Variants in NALF1 observed in about 807,000 individuals in gnomAD.
NALF1 encodes the protein NALCN channel auxiliary factor 1.
A neutral mutation model predicts 48.4 loss-of-function variants in NALF1; 3 were observed. The observed-to-expected ratio is 0.06, with a 90% confidence interval of 0.03 to 0.16. The LOEUF (loss-of-function observed/expected upper bound fraction) is 0.16, where lower values mean the gene tolerates loss of function less well. Among genes scored for constraint, NALF1 ranks in the 10% least tolerant of loss-of-function variants. The probability of loss-of-function intolerance (pLI) is 1.00; values close to 1 mark genes in which losing one functional copy is unlikely to be tolerated. For missense variants in NALF1, 526 were observed against 571.5 expected, an observed-to-expected ratio of 0.92 and a Z score of 0.81; for synonymous variants, 262 against 245.7, an observed-to-expected ratio of 1.07 and a Z score of -0.62.
At chr13:107,787,430 A>G (rs1878108732) in intron 1 of NALF1, among the ~76,000 whole-genome samples, 1 of 152,232 alleles carries the variant, frequency 6.6e-6, no homozygotes, top group East Asian at 1.9e-4. Flanking sequence ...AGTCAGACAC[A>G]TGGGTTGAGT....
chr13:107,429,211 A>T (rs1884332706), intron 1 of NALF1, among the ~76,000 whole-genome samples: 1 of 151,864 alleles, frequency 6.6e-6, no homozygotes, highest in Non-Finnish European at 1.5e-5. Context: ...AATCCCAGCT[A>T]CTCAGGAGGC....
intron 1 of NALF1, among the ~76,000 whole-genome samples, chr13:107,372,062 T>G (rs1883257688): frequency 6.6e-6 from 1 of 152,116 alleles, no homozygotes; most frequent in Admixed American, 6.6e-5. Flanking sequence ...ACTCCTGCCT[T>G]GGAGCGCAGC....
chr13:107,668,743 G>A (rs1880919428), intron 1 of NALF1, among the ~76,000 whole-genome samples: 1 of 151,928 alleles, frequency 6.6e-6, no homozygotes. Flanking sequence ...TGCCCTATGA[G>A]ACTCCATCCA....
At chr13:107,694,414 T>C (rs913555111) in intron 1 of NALF1, among the ~76,000 whole-genome samples, 1 of 152,194 alleles carries the variant, frequency 6.6e-6, no homozygotes, top group East Asian at 1.9e-4. Context: ...TCTTTATATA[T>C]ATTACATTGT....
chr13:107,616,912 C>G (rs1879395700), intron 1 of NALF1, among the ~76,000 whole-genome samples: 1 of 152,026 alleles, frequency 6.6e-6, no homozygotes, highest in Admixed American at 6.6e-5. Flanking sequence ...GAAATAACCG[C>G]TAGGTAAGGA....
intron 1 of NALF1, among the ~76,000 whole-genome samples, chr13:107,299,110 C>T (rs1350598213): frequency 6.6e-6 from 1 of 152,086 alleles, no homozygotes; most frequent in African/African-American, 2.4e-5. Context: ...TAGAATAGCT[C>T]TCATCTGGGT....
intron 1 of NALF1, among the ~76,000 whole-genome samples, chr13:107,830,051 A>G (rs534145911): frequency 1.3e-5 from 2 of 152,164 alleles, no homozygotes; most frequent in Non-Finnish European, 2.9e-5. Flanking sequence ...CAAGAGTGCC[A>G]TTATTACACC....
intron 1 of NALF1, among the ~76,000 whole-genome samples, chr13:107,243,962 A>C (rs978083636): frequency 6.6e-6 from 1 of 152,178 alleles, no homozygotes; most frequent in Admixed American, 6.5e-5. Flanking sequence ...CAATACCAAA[A>C]GCTTCTGAAG....
chr13:107,587,287 TAAAGAC>T (rs1878487363), intron 1 of NALF1, among the ~76,000 whole-genome samples: 1 of 152,052 alleles, frequency 6.6e-6, no homozygotes, highest in African/African-American at 2.4e-5. Flanking sequence ...GTGGGTTCCT[TAAAGAC>T]AAAGACCTAA....
chr13:107,211,065 G>T (rs959169882), intron 1 of NALF1, among the ~76,000 whole-genome samples: 2 of 152,300 alleles, frequency 1.3e-5, no homozygotes, highest in East Asian at 3.9e-4. Flanking sequence ...TCAAAATTCA[G>T]CGATATCTAA....
intron 2 of NALF1, among the ~76,000 whole-genome samples, chr13:107,190,073 C>A (rs1225372238): frequency 6.6e-6 from 1 of 152,038 alleles, no homozygotes; most frequent in Non-Finnish European, 1.5e-5. Context: ...CTGAGGGGTC[C>A]ACATTTTGTA....
At chr13:107,221,148 G>A (rs1301554186) in intron 1 of NALF1, among the ~76,000 whole-genome samples, 1 of 151,992 alleles carries the variant, frequency 6.6e-6, no homozygotes, top group Non-Finnish European at 1.5e-5. Flanking sequence ...TGTGAAGGGG[G>A]TGAGAGATAG....
intron 1 of NALF1, among the ~76,000 whole-genome samples, chr13:107,524,215 C>A (rs1460903420): frequency 1.3e-5 from 2 of 152,030 alleles, no homozygotes. Flanking sequence ...AATTTCTATT[C>A]CAACATTCAG....
chr13:107,714,626 T>TTAAAAAAAAAAAA (rs1555320362), intron 1 of NALF1, among the ~76,000 whole-genome samples: 1 of 126,490 alleles, frequency 7.9e-6, no homozygotes, highest in Admixed American at 8.5e-5. Flanking sequence ...GAGGCTTTAT[T>TTAAAAAAAAAAAA]AAAAAAAAAA....
chr13:107,842,200 A>C (rs2138635798), intron 1 of NALF1, among the ~76,000 whole-genome samples: 1 of 152,088 alleles, frequency 6.6e-6, no homozygotes, highest in African/African-American at 2.4e-5. Flanking sequence ...CCATATACTC[A>C]CAGATATCAG....
intron 1 of NALF1, among the ~76,000 whole-genome samples, chr13:107,547,622 C>A (rs574808489): frequency 6.6e-6 from 1 of 152,260 alleles, no homozygotes; most frequent in South Asian, 2.1e-4. Context: ...ATGATACATG[C>A]AGCACATGGT....
intron 1 of NALF1, among the ~76,000 whole-genome samples, chr13:107,844,917 A>T (rs139272616): frequency 4.7e-4 from 71 of 152,272 alleles, no homozygotes; most frequent in African/African-American, 1.4e-3. Context: ...ATGATACTAA[A>T]ACTAAATTTT....
intron 1 of NALF1, among the ~76,000 whole-genome samples, chr13:107,293,252 T>C (rs1009200856): frequency 6.6e-6 from 1 of 152,078 alleles, no homozygotes; most frequent in Non-Finnish European, 1.5e-5. Flanking sequence ...AGTGCTAGGA[T>C]TACAGGTGTG....
At chr13:107,278,950 A>C (rs1881332660) in intron 1 of NALF1, among the ~76,000 whole-genome samples, 1 of 151,976 alleles carries the variant, frequency 6.6e-6, no homozygotes. Context: ...AGAAGTAATG[A>C]TGATTGGCTT....
Sources: gnomAD v4.1 joint callset for allele counts (sites outside exome capture counted in the v4.1 genomes callset) on GRCh38, gnomAD v4.1.1 for gene constraint, MANE v1.5 for transcripts, NCBI Gene and HGNC (gene_info 2026-07-23, HGNC 2026-07-21) for gene names.